The following ADAMTS18 variants were observed in gnomAD, a reference collection of about 807,000 sequenced individuals.
The protein encoded by ADAMTS18 is ADAM metallopeptidase with thrombospondin type 1 motif 18.
In ADAMTS18, 157 loss-of-function variants were observed where a neutral mutation model predicts 165.9. The observed-to-expected ratio is 0.95, with a 90% CI of 0.83 to 1.08. The LOEUF (loss-of-function observed/expected upper bound fraction) is 1.08, where lower values mean the gene tolerates loss of function less well. ADAMTS18 is among the 50% of genes least tolerant of loss of function. ADAMTS18 has a pLI of 0.00. For missense variants in ADAMTS18, 2,040 were observed against 1,534.0 expected, an observed-to-expected ratio of 1.33 and a Z score of -5.51; for synonymous variants, 782 against 578.2, an observed-to-expected ratio of 1.35 and a Z score of -5.06.
intron 3 of ADAMTS18, among the ~76,000 whole-genome samples, chr16:77,407,149 T>C (rs1011262299): frequency 6.6e-6 from 1 of 151,988 alleles, no homozygotes; most frequent in African/African-American, 2.4e-5. Context: ...TAAGTGAGAG[T>C]GTTCTTAATA....
chr16:77,421,102 A>T (rs2057596531), intron 3 of ADAMTS18, among the ~76,000 whole-genome samples: 1 of 152,212 alleles, frequency 6.6e-6, no homozygotes, highest in Admixed American at 6.5e-5. Flanking sequence ...ATTAGAAAGC[A>T]TGCCCCCTTG....
chr16:77,334,767 A>AC (rs1392549776), intron 12 of ADAMTS18, among the ~76,000 whole-genome samples: 1 of 84,944 alleles, frequency 1.2e-5, no homozygotes, highest in Non-Finnish European at 2.1e-5. Flanking sequence ...AGTATACAGT[A>AC]TATATACTAT....
At chr16:77,287,431 G>C (rs190817609) in intron 22 of ADAMTS18, among the ~76,000 whole-genome samples, 2 of 152,050 alleles carry the variant, frequency 1.3e-5, no homozygotes, top group Non-Finnish European at 2.9e-5. Context: ...ACGTGGGCTC[G>C]TATCCTTTAT....
chr16:77,417,886 G>T (rs141374853), intron 3 of ADAMTS18, among the ~76,000 whole-genome samples: 1 of 152,282 alleles, frequency 6.6e-6, no homozygotes, highest in East Asian at 1.9e-4. Flanking sequence ...TTCATTTTCA[G>T]AACAGCTCAT....
intron 16 of ADAMTS18, among the ~76,000 whole-genome samples, chr16:77,301,380 C>CA (rs1176401176): frequency 6.6e-6 from 1 of 152,112 alleles, no homozygotes; most frequent in Non-Finnish European, 1.5e-5. Flanking sequence ...CTACACAATG[C>CA]AATGTATCAC....
chr16:77,369,890 T>C (rs2056852083), intron 3 of ADAMTS18, among the ~76,000 whole-genome samples: 1 of 152,200 alleles, frequency 6.6e-6, no homozygotes, highest in Admixed American at 6.5e-5. Flanking sequence ...TCATTCACCA[T>C]GATCGAGTGG....
At chr16:77,350,009 T>C (rs570478400) in intron 10 of ADAMTS18, among the ~76,000 whole-genome samples, 2 of 152,320 alleles carry the variant, frequency 1.3e-5, no homozygotes, top group South Asian at 4.1e-4. Context: ...AGCTGCTCAC[T>C]TCTAGCTTAG....
At chr16:77,301,168 G>C (rs2055575363) in intron 16 of ADAMTS18, among the ~76,000 whole-genome samples, 1 of 151,984 alleles carries the variant, frequency 6.6e-6, no homozygotes, top group Non-Finnish European at 1.5e-5. Flanking sequence ...TAAAATAAGA[G>C]CAATCACATA....
Position 77,434,503 on chromosome 16 carries a change from C to CGCCT in ADAMTS18, c.91-2_92dup (p.Leu32GlyfsTer19). The CGCCT allele has an allele frequency of 6.4e-7, 1 of 1,558,220 alleles. No homozygotes were observed. The highest frequency in any genetic ancestry group is 8.7e-7 in the Non-Finnish European group (1 of 1,155,724). On this transcript the variant is annotated frameshift_variant and splice_region_variant, in exon 2 of 23. Transcript: ENST00000282849. LOFTEE classifies it high-confidence loss of function. ...CACAGCAGAGGCAGCACAGCTGGAG[C>CGCCT]GCCTGCAAGAGAAAAGGTGACATCG...
At chr16:77,381,891 A>T (rs1314357426) in intron 3 of ADAMTS18, among the ~76,000 whole-genome samples, 2 of 152,176 alleles carry the variant, frequency 1.3e-5, no homozygotes, top group East Asian at 3.9e-4. Flanking sequence ...TTTAGTGGAG[A>T]CACTGAGAAA....
chr16:77,412,530 G>C (rs1436687644), intron 3 of ADAMTS18, among the ~76,000 whole-genome samples: 1 of 152,040 alleles, frequency 6.6e-6, no homozygotes, highest in East Asian at 1.9e-4. Context: ...GGGTGTATTA[G>C]TCTGTTTTCA....
chr16:77,421,690 C>T (rs2057604983), intron 3 of ADAMTS18, among the ~76,000 whole-genome samples: 1 of 152,168 alleles, frequency 6.6e-6, no homozygotes, highest in African/African-American at 2.4e-5. Context: ...GTTGGTAAGC[C>T]ATATCTGGCT....
At chr16:77,298,622 T>C (rs1445651106) in intron 17 of ADAMTS18, among the ~76,000 whole-genome samples, 1 of 151,720 alleles carries the variant, frequency 6.6e-6, no homozygotes, top group Non-Finnish European at 1.5e-5. Flanking sequence ...CAAAACCCCA[T>C]CTCTATAAAA....
chr16:77,332,894 C>T (rs1312743604), intron 12 of ADAMTS18, among the ~76,000 whole-genome samples: 1 of 152,156 alleles, frequency 6.6e-6, no homozygotes, highest in African/African-American at 2.4e-5. Context: ...GGAAATTTCA[C>T]ATCAGCATTT....
rs527534262 is a variant in ADAMTS18, at chr16:77,282,906, C to CTCTTTTTTTTT, written c.*1049_*1050insAAAAAAAAAGA. On this transcript the variant is annotated 3_prime_UTR_variant, in exon 23 of 23. Coordinates refer to ENST00000282849, the MANE Select transcript of ADAMTS18 (RefSeq NM_199355.4). ...CCACTGTTTACTCCTTTCTTTCTCT[C>CTCTTTTTTTTT]TTTTTTTTTTTTTTTTTTTTGCTGT... 14 of 77,556 alleles carry CTCTTTTTTTTT rather than the reference C, an allele frequency of 1.8e-4. No individual in the cohort carries two copies. The highest frequency in any genetic ancestry group is 2.8e-4 in the Non-Finnish European group (10 of 36,330). The allele number at this position is 77,556 out of a possible 1,614,324, so 4.8% of individuals were successfully genotyped here.
intron 3 of ADAMTS18, among the ~76,000 whole-genome samples, chr16:77,372,853 C>T (rs182243520): frequency 1.3e-4 from 20 of 152,240 alleles, no homozygotes; most frequent in Admixed American, 3.9e-4. Context: ...AATAGGGTTT[C>T]CCCACAACAG....
Position 77,367,494 on chromosome 16 carries a change from T to G in ADAMTS18, c.725A>C (p.Glu242Ala), listed in dbSNP as rs778088190. 1.2e-6 allele frequency: 2 copies of G among 1,614,204 alleles called. No individual in the cohort carries two copies. The highest frequency in any genetic ancestry group is 1.3e-5 in the African/African-American group (1 of 75,064). ...IPHASQSRET[E>A]YHHRRLQKQH... ...CTTTTGCAACCTTCGATGGTGATAC[T>G]CTGTCTCTCGACTCTGAGATGCATG... The change falls in exon 4 of 23, where the codon GAG becomes GCG. Residue 242 changes from glutamate (E) to alanine (A), a missense_variant. Glu to Ala is a moderately radical substitution (Grantham distance 107, BLOSUM62 -1). Transcript: ENST00000282849.
At chr16:77,344,634 A>G (rs1199154201) in intron 10 of ADAMTS18, among the ~76,000 whole-genome samples, 1 of 152,100 alleles carries the variant, frequency 6.6e-6, no homozygotes, top group Non-Finnish European at 1.5e-5. Context: ...AGCCACCAAA[A>G]TGGCCCTAGG....
intron 16 of ADAMTS18, among the ~76,000 whole-genome samples, chr16:77,313,136 C>G (rs1299678114): frequency 6.6e-6 from 1 of 152,010 alleles, no homozygotes; most frequent in African/African-American, 2.4e-5. Context: ...GAGTTCATGT[C>G]CTTTGCAGGA....
Sources: gnomAD v4.1 joint callset for allele counts (sites outside exome capture counted in the v4.1 genomes callset) on GRCh38, gnomAD v4.1.1 for gene constraint, MANE v1.5 for transcripts, NCBI Gene and HGNC (gene_info 2026-07-23, HGNC 2026-07-21) for gene names.